DOCK2: variants seen among roughly 807,000 people sequenced by gnomAD.
DOCK2 encodes the protein dedicator of cytokinesis 2.
Under a neutral mutation model 248.9 loss-of-function variants are expected in DOCK2, and 87 were observed. The ratio of observed to expected loss-of-function variants is 0.35; its 90% confidence interval spans 0.29 to 0.42. The LOEUF (loss-of-function observed/expected upper bound fraction) is 0.42. Ranked by LOEUF, DOCK2 falls within the 10% of genes least tolerant of loss-of-function variation. The probability of loss-of-function intolerance (pLI) is 1.00; values close to 1 mark genes in which losing one functional copy is unlikely to be tolerated. For missense variants in DOCK2, 1,747 were observed against 2,300.2 expected, an observed-to-expected ratio of 0.76 and a Z score of 4.92; for synonymous variants, 805 against 821.6, an observed-to-expected ratio of 0.98 and a Z score of 0.35.
rs150000397 is a variant in DOCK2, at chr5:169,824,959, G to A, written c.2704-15798G>A. Among the ~76,000 whole-genome samples, 399 of 152,286 alleles carry A rather than the reference G, an allele frequency of 2.6e-3. 15 individuals are homozygous for A. In the East Asian group the frequency reaches 0.065, roughly 25 times the overall value. On this transcript the variant is annotated intron_variant, in intron 26 of 51. Coordinates refer to ENST00000520908, the MANE Select transcript of DOCK2 (RefSeq NM_004946.3). Reference sequence around the variant, plus strand: ...ACAACCCCATCAACAAGTGGGCAAAGGATATGAACAGATACTTTTCAAAAG... The same window carrying A: ...ACAACCCCATCAACAAGTGGGCAAAAGATATGAACAGATACTTTTCAAAAG...
chr5:169,792,988 C>A (rs1028569240), intron 25 of DOCK2, among the ~76,000 whole-genome samples: 1 of 152,138 alleles, frequency 6.6e-6, no homozygotes, highest in African/African-American at 2.4e-5. Context: ...ACTAAGGGTG[C>A]AAGTACCTTT....
At chr5:169,981,331 TG>T (rs1401576412) in intron 27 of DOCK2, among the ~76,000 whole-genome samples, 1 of 152,192 alleles carries the variant, frequency 6.6e-6, no homozygotes, top group Non-Finnish European at 1.5e-5. Context: ...TATATACACG[TG>T]TATATATACA....
At chr5:169,809,961 G>C (rs1767635344) in intron 26 of DOCK2, among the ~76,000 whole-genome samples, 1 of 152,156 alleles carries the variant, frequency 6.6e-6, no homozygotes. Context: ...AGCAGCTTGT[G>C]CTTGCTCCAT....
chr5:169,974,897 G>A (rs766846721), intron 27 of DOCK2, among the ~76,000 whole-genome samples: 1 of 151,802 alleles, frequency 6.6e-6, no homozygotes, highest in Non-Finnish European at 1.5e-5. Flanking sequence ...ATTATGTTCT[G>A]TGCCATTAAA....
chr5:169,738,135 C>T (rs1465684499), intron 22 of DOCK2, among the ~76,000 whole-genome samples: 1 of 152,146 alleles, frequency 6.6e-6, no homozygotes, highest in Non-Finnish European at 1.5e-5. Context: ...TAGACTCTCG[C>T]ACATTTGTTA....
At chr5:169,868,423 C>T (rs1771733030) in intron 27 of DOCK2, among the ~76,000 whole-genome samples, 1 of 152,192 alleles carries the variant, frequency 6.6e-6, no homozygotes, top group Non-Finnish European at 1.5e-5. Context: ...TGACAACAAA[C>T]CAGCTGAGTT....
intron 30 of DOCK2, among the ~76,000 whole-genome samples, chr5:170,008,225 C>A (rs7710683): frequency 0.24 from 27,651 of 113,410 alleles, 3,535 homozygotes; most frequent in African/African-American, 0.41. Context: ...ACAACAACAA[C>A]AAAAAAAAAA....
In DOCK2 at chr5:169,716,165, T is replaced by C. The variant is rs1324898783; in HGVS notation, c.1942-48T>C. 4 of 1,544,770 alleles carry C rather than the reference T, an allele frequency of 2.6e-6. No individual in the cohort carries two copies. In the African/African-American group the frequency reaches 4.1e-5, roughly 16 times the overall value. On this transcript the variant is annotated intron_variant, in intron 19 of 51. Coordinates refer to ENST00000520908, the MANE Select transcript of DOCK2 (RefSeq NM_004946.3). ...AGGAGTGGGATTGCTGGTTCACCTG[T>C]ACTTTGTCTTGTTTCTGAAGTAGTG...
At chr5:169,935,438 C>T (rs138994963) in intron 27 of DOCK2, among the ~76,000 whole-genome samples, 1 of 152,338 alleles carries the variant, frequency 6.6e-6, no homozygotes, top group Non-Finnish European at 1.5e-5. Flanking sequence ...CAAAATCTGA[C>T]ATGCTGAACT....
At chr5:169,995,776 G>T (rs560510843) in intron 29 of DOCK2, among the ~76,000 whole-genome samples, 1 of 152,294 alleles carries the variant, frequency 6.6e-6, no homozygotes, top group African/African-American at 2.4e-5. Context: ...TTGGGGATGG[G>T]GGGGGTGATT....
chr5:169,903,314 A>T (rs1463080758), intron 27 of DOCK2, among the ~76,000 whole-genome samples: 1 of 146,086 alleles, frequency 6.8e-6, no homozygotes, highest in African/African-American at 2.5e-5. Flanking sequence ...ACAACAATAA[A>T]AAAAAAAAAA....
intron 29 of DOCK2, among the ~76,000 whole-genome samples, chr5:169,992,089 G>A (rs1026394719): frequency 6.6e-6 from 1 of 152,184 alleles, no homozygotes. Flanking sequence ...GATTCTGCAG[G>A]CCGTGTAACT....
chr5:169,672,264 T>C (rs192132988), intron 5 of DOCK2, among the ~76,000 whole-genome samples: 2,204 of 152,280 alleles, frequency 0.014, 30 homozygotes, highest in Non-Finnish European at 0.017. Context: ...CACCTTGGCC[T>C]TCCAAAGTGC....
chr5:169,877,904 C>CT (rs1201430809), intron 27 of DOCK2, among the ~76,000 whole-genome samples: 1 of 152,196 alleles, frequency 6.6e-6, no homozygotes, highest in East Asian at 1.9e-4. Context: ...GGTTGCAACT[C>CT]TGTCTTTCCA....
chr5:169,999,243 A>T, intron 30 of DOCK2, among the ~76,000 whole-genome samples: 1 of 152,194 alleles, frequency 6.6e-6, no homozygotes, highest in South Asian at 2.1e-4. Flanking sequence ...CGGGCTTGCA[A>T]GCTGAGTGAC....
chr5:169,663,225 C>A (rs1483816220), intron 2 of DOCK2, among the ~76,000 whole-genome samples: 1 of 152,210 alleles, frequency 6.6e-6, no homozygotes, highest in East Asian at 1.9e-4. Flanking sequence ...CACATTGATG[C>A]AAGGGATGGG....
At chr5:169,756,387 C>T (rs972783983) in intron 23 of DOCK2, among the ~76,000 whole-genome samples, 1 of 152,212 alleles carries the variant, frequency 6.6e-6, no homozygotes, top group Non-Finnish European at 1.5e-5. Context: ...TGTTTCTGTG[C>T]ATGTTTCTCA....
chr5:169,739,931 G>A (rs745523789), intron 22 of DOCK2, among the ~76,000 whole-genome samples: 19 of 152,194 alleles, frequency 1.2e-4, no homozygotes, highest in Admixed American at 3.3e-4. Context: ...GTGTGCATGC[G>A]TGTGCTTCTT....
chr5:170,050,134 A>T, intron 40 of DOCK2, 122 bp from the exon 41 acceptor site: 1 of 1,287,648 alleles, frequency 7.8e-7, no homozygotes, highest in Non-Finnish European at 1.1e-6. Flanking sequence ...GGAAACCAAG[A>T]GGAGAGTGAT....
Sources: allele counts gnomAD v4.1 joint callset (sites outside exome capture counted in the v4.1 genomes callset), GRCh38; gene constraint gnomAD v4.1.1; transcripts MANE v1.5; gene names NCBI Gene and HGNC (gene_info 2026-07-23, HGNC 2026-07-21).